The following ARFRP1 variants were observed in gnomAD, a reference collection of about 807,000 sequenced individuals.
The protein encoded by ARFRP1 is ADP-ribosylation factor-related protein 1.
ARFRP1 carries 19 observed loss-of-function variants against 30.3 expected under a neutral mutation model. The ratio of observed to expected loss-of-function variants is 0.63; its 90% CI spans 0.44 to 0.92. The LOEUF is 0.92. ARFRP1 is among the 40% of genes least tolerant of loss of function. The pLI is 0.00. For missense variants in ARFRP1, 245 were observed against 267.5 expected (o/e 0.92, Z 0.59); for synonymous variants, 133 against 114.2 (o/e 1.16, Z -1.05).
chr20:63,707,392 G>C (rs1438851761), intron 1 of ARFRP1: 1 of 300,608 alleles, frequency 3.3e-6, no homozygotes, highest in Non-Finnish European at 6.3e-6. Flanking sequence ...GCTCAGCCGC[G>C]CTCCCGCCCT....
intron 6 of ARFRP1, 63 bp downstream of exon 6, chr20:63,701,767 C>T: frequency 1.4e-6 from 2 of 1,480,914 alleles, no homozygotes; most frequent in Non-Finnish European, 1.8e-6. Flanking sequence ...ACACCTGCTC[C>T]CCTTGCTGTG....
chr20:63,705,893 A>G, intron 4 of ARFRP1: 1 of 401,626 alleles, frequency 2.5e-6, no homozygotes, highest in South Asian at 1.9e-5. Context: ...GACACTTGTA[A>G]GATGTTTAGG....
At position 63,707,097 on chromosome 20, in the gene ARFRP1, C is replaced by T. The variant is rs1464143887; in HGVS notation, c.-6G>A. On this transcript the variant is annotated splice_region_variant and 5_prime_UTR_variant, in exon 2 of 8. Transcript: ENST00000622789. ...CCCGACAGCAGCGTGTACATCCTGC[C>T]CTGGGCACCCCAACATAGGTCAGTG... 3.1e-6 allele frequency: 5 copies of T among 1,601,414 alleles called. No individual in the cohort carries two copies. Among genetic ancestry groups the T allele is most frequent in the Non-Finnish European group, 4.3e-6 (5 of 1,174,388 alleles).
chr20:63,704,990 G>C, intron 4 of ARFRP1: 1 of 152,788 alleles, frequency 6.5e-6, no homozygotes, highest in Non-Finnish European at 1.5e-5. Flanking sequence ...TGTGGATCCT[G>C]CTGCCTGAGT....
intron 4 of ARFRP1, chr20:63,705,776 CTT>C (rs751465305): frequency 7.5e-6 from 4 of 532,908 alleles, no homozygotes; most frequent in Non-Finnish European, 1.5e-5. Flanking sequence ...GGTCCCCACA[CTT>C]TGTCTTGTCC....
At chr20:63,707,135 G>T (rs756233430) in intron 1 of ARFRP1, 38 bp from the exon 2 acceptor site, 5 of 1,539,910 alleles carry the variant, frequency 3.2e-6, no homozygotes, top group Non-Finnish European at 3.5e-6. Flanking sequence ...CAGCCAGAAA[G>T]CACCTCCCCT....
chr20:63,707,061 A>G lies in ARFRP1; in HGVS notation c.31T>C (p.Tyr11His). The G allele has an allele frequency of 1.9e-6, 3 of 1,613,712 alleles. No individual in the cohort carries two copies. The highest frequency in any genetic ancestry group is 2.5e-6 in the Non-Finnish European group (3 of 1,179,924). Reference protein sequence around the residue: MYTLLSGLYKYMFQKDEYCIL... With the variant: MYTLLSGLYKHMFQKDEYCIL... ...CAGTACTCGTCCTTCTGAAACATGT[A>G]CTTGTACAAGCCCGACAGCAGCGTG... The change falls in exon 2 of 8, where the codon TAC becomes CAC. Residue 11 changes from tyrosine to histidine, a missense_variant. Tyr to His is a moderately conservative substitution (Grantham distance 83). Coordinates refer to ENST00000622789, the MANE Select transcript of ARFRP1 (RefSeq NM_001267547.3).
chr20:63,701,647 G>T, intron 6 of ARFRP1, 183 bp downstream of exon 6: 2 of 618,048 alleles, frequency 3.2e-6, no homozygotes, highest in Non-Finnish European at 2.8e-6. Flanking sequence ...AGGGCTGGCA[G>T]CAGCAGGTCT....
At position 63,700,149 on chromosome 20, in the gene ARFRP1, A is replaced by G; in HGVS notation, c.*294T>C. Reference sequence around the variant, plus strand: ...CTGAGCACTGGAGCCCCAATTCCCAACCAGGTCTCCCTCAGACCCCCCAGA... The same window carrying G: ...CTGAGCACTGGAGCCCCAATTCCCAGCCAGGTCTCCCTCAGACCCCCCAGA... On this transcript the variant is annotated 3_prime_UTR_variant, in exon 8 of 8. Transcript: ENST00000622789. The G allele has an allele frequency of 4.6e-6, 2 of 431,826 alleles. No homozygotes were observed. Among genetic ancestry groups the G allele is most frequent in the Non-Finnish European group, 8.7e-6 (2 of 230,656 alleles). The allele number at this position is 431,826 out of a possible 1,614,324, so 26.7% of individuals were successfully genotyped here. A position where few individuals can be genotyped will look rare whatever the true frequency, so the allele number is the denominator to read the frequency against.
intron 4 of ARFRP1, chr20:63,705,865 A>C: frequency 2.2e-6 from 1 of 452,736 alleles, no homozygotes; most frequent in Admixed American, 2.6e-5. Context: ...AACCCAAGCC[A>C]GGGTTTGAAC....
In ARFRP1 at chr20:63,700,452, G is replaced by A. The variant is rs2091143695; in HGVS notation, c.597C>T (p.Asp199=). 1 of 1,608,968 alleles carries A rather than the reference G, an allele frequency of 6.2e-7. No individual in the cohort carries two copies. Among genetic ancestry groups the A allele is most frequent in the South Asian group, 1.1e-5 (1 of 90,984 alleles). The change falls in exon 8 of 8, where the codon GAC becomes GAT. Residue 199 remains aspartate, a synonymous_variant. Transcript: ENST00000622789. The part of the protein sequence containing the change: ...RNVHRPPRQR[D]IT ...GGCAGCGCGGCTGCGCCTACGTGAT[G>A]TCCCTCTGCCGCGGCGGCCGGTGCA...
intron 2 of ARFRP1, 34 bp from the exon 3 acceptor site, chr20:63,706,772 G>A (rs200136145): frequency 4.3e-4 from 665 of 1,531,280 alleles, no homozygotes; most frequent in Admixed American, 5.5e-4. Context: ...ACACATCAAG[G>A]AGGGGCTATA....
At chr20:63,706,771 G>C in intron 2 of ARFRP1, 33 bp from the exon 3 acceptor site, 1 of 1,534,054 alleles carries the variant, frequency 6.5e-7, no homozygotes, top group Non-Finnish European at 9.0e-7. Context: ...AACACATCAA[G>C]GAGGGGCTAT....
chr20:63,700,705 G>C lies in ARFRP1; in HGVS notation c.418-3C>G, dbSNP rs748523089. On this transcript the variant is annotated splice_polypyrimidine_tract_variant and splice_region_variant and intron_variant, in intron 6 of 7. Transcript: ENST00000622789. ...ATGTCAGGGATTGAGAGGCACGTCT[G>C]GGGGAGGTAAGGCCGTGAGGAGCAG... The C allele has an allele frequency of 1.2e-6, 2 of 1,610,260 alleles. No homozygotes were observed. The highest frequency in any genetic ancestry group is 3.3e-5 in the Admixed American group (2 of 59,936).
chr20:63,701,994 C>A, intron 5 of ARFRP1, 94 bp from the exon 6 acceptor site: 1 of 1,141,306 alleles, frequency 8.8e-7, no homozygotes, highest in Non-Finnish European at 1.2e-6. Context: ...CAGCCACTCC[C>A]TCTGCCCCCC....
chr20:63,706,784 T>C (rs2091490349), intron 2 of ARFRP1, 46 bp from the exon 3 acceptor site: 1 of 1,480,070 alleles, frequency 6.8e-7, no homozygotes, highest in Non-Finnish European at 9.4e-7. Flanking sequence ...GGGGCTATAC[T>C]GGCTTCCAAA....
chr20:63,707,295 A>G, intron 1 of ARFRP1, 198 bp from the exon 2 acceptor site: 1 of 573,562 alleles, frequency 1.7e-6, no homozygotes, highest in Non-Finnish European at 3.1e-6. Context: ...TGTCCTGCTC[A>G]CAGCAATGAC....
At chr20:63,700,872 G>T in intron 6 of ARFRP1, 170 bp from the exon 7 acceptor site, 1 of 890,240 alleles carries the variant, frequency 1.1e-6, no homozygotes, top group Non-Finnish European at 1.7e-6. Flanking sequence ...CCTGTGCTCA[G>T]CCCGAGGCTG....
chr20:63,700,411 G>T lies in ARFRP1; in HGVS notation c.*32C>A. The T allele has an allele frequency of 6.2e-7, 1 of 1,603,060 alleles. No individual in the cohort carries two copies. Among genetic ancestry groups the T allele is most frequent in the South Asian group, 1.1e-5 (1 of 90,788 alleles). ...GGAGGCCACTCCTCCAGCACCAGGG[G>T]ACCAGCCGTCCCGACGGCAGCGCGG... On this transcript the variant is annotated 3_prime_UTR_variant, in exon 8 of 8. Coordinates refer to ENST00000622789, the MANE Select transcript of ARFRP1 (RefSeq NM_001267547.3).
Sources: gnomAD v4.1 joint callset for allele counts on GRCh38, gnomAD v4.1.1 for gene constraint, MANE v1.5 for transcripts, NCBI Gene and HGNC (gene_info 2026-07-23, HGNC 2026-07-21) for gene names.